FAM219A: variants seen among roughly 807,000 people sequenced by gnomAD.
The protein encoded by FAM219A is protein FAM219A.
FAM219A carries 7 observed loss-of-function variants against 23.4 expected under a neutral mutation model. The observed-to-expected ratio is 0.30, with a 90% confidence interval of 0.17 to 0.56. The LOEUF (loss-of-function observed/expected upper bound fraction) is 0.56, where lower values mean the gene tolerates loss of function less well. Among genes scored for constraint, FAM219A ranks in the 20% least tolerant of loss-of-function variants. The pLI, the probability that FAM219A is intolerant of heterozygous loss-of-function variation, is 0.92. For synonymous variants in FAM219A, 93 were observed against 99.0 expected (o/e 0.94, Z 0.36); for missense variants, 166 against 246.9 (o/e 0.67, Z 2.20).
chr9:34,408,920 C>T (rs1336959232), intron 1 of FAM219A, among the ~76,000 whole-genome samples: 1 of 152,226 alleles, frequency 6.6e-6, no homozygotes. Context: ...AAAGTTTCTT[C>T]TCTCAGTCTG....
Position 34,400,976 on chromosome 9 carries a change from G to A in FAM219A, c.546C>T (p.Cys182=). Residue 182 remains cysteine (C), a synonymous_variant, in exon 6 of 6, where the codon TGC becomes TGT. Transcript: ENST00000651358. ...MCCQATSSTA[C]HIQ Reference sequence around the variant, plus strand: ...GTGGCCCCGCCCGCTACTGAATGTGGCAGGCGGTGGAGGACGTGGCCTGGC... The same window carrying A: ...GTGGCCCCGCCCGCTACTGAATGTGACAGGCGGTGGAGGACGTGGCCTGGC... The A allele has an allele frequency of 1.3e-6, 2 of 1,547,564 alleles. No individual in the cohort carries two copies. Among genetic ancestry groups the A allele is most frequent in the East Asian group, 4.8e-5 (2 of 41,384 alleles).
intron 1 of FAM219A, among the ~76,000 whole-genome samples, chr9:34,437,159 A>C (rs1426263000): frequency 6.6e-6 from 1 of 152,208 alleles, no homozygotes; most frequent in Non-Finnish European, 1.5e-5. Flanking sequence ...TCATGAGGAA[A>C]TTGCAAGAAG....
intron 1 of FAM219A, among the ~76,000 whole-genome samples, chr9:34,436,822 C>T (rs934054904): frequency 1.3e-5 from 2 of 152,146 alleles, no homozygotes; most frequent in Non-Finnish European, 2.9e-5. Flanking sequence ...TGTCCCTTTC[C>T]TTTCATGGGT....
At chr9:34,412,802 A>T (rs1312058822) in intron 1 of FAM219A, among the ~76,000 whole-genome samples, 1 of 152,204 alleles carries the variant, frequency 6.6e-6, no homozygotes, top group Non-Finnish European at 1.5e-5. Context: ...GAAATAAGAA[A>T]GTCATAGGTA....
At chr9:34,455,450 T>C (rs1823695426) in intron 1 of FAM219A, among the ~76,000 whole-genome samples, 2 of 151,514 alleles carry the variant, frequency 1.3e-5, no homozygotes. Context: ...TTTACCTCTA[T>C]GATATGCTAT....
At chr9:34,441,081 G>A (rs1823153698) in intron 1 of FAM219A, among the ~76,000 whole-genome samples, 1 of 152,122 alleles carries the variant, frequency 6.6e-6, no homozygotes, top group South Asian at 2.1e-4. Context: ...GGACCTAAGA[G>A]TTCTAGAATT....
chr9:34,450,579 C>T (rs1288234892), intron 1 of FAM219A, among the ~76,000 whole-genome samples: 8 of 152,036 alleles, frequency 5.3e-5, no homozygotes, highest in African/African-American at 1.2e-4. Flanking sequence ...CCACCATGCC[C>T]GGCTAATTTT....
At chr9:34,427,051 C>T (rs1298654828) in intron 1 of FAM219A, among the ~76,000 whole-genome samples, 2 of 152,180 alleles carry the variant, frequency 1.3e-5, no homozygotes, top group Non-Finnish European at 2.9e-5. Flanking sequence ...CACTCTTCCC[C>T]AGGCTTACTA....
At chr9:34,403,103 G>A (rs1821513227) in intron 2 of FAM219A, among the ~76,000 whole-genome samples, 1 of 152,214 alleles carries the variant, frequency 6.6e-6, no homozygotes, top group Admixed American at 6.5e-5. Flanking sequence ...TGGCGGGGGA[G>A]AGACAATCAC....
chr9:34,409,780 G>T (rs930736776), intron 1 of FAM219A, among the ~76,000 whole-genome samples: 6 of 152,180 alleles, frequency 3.9e-5, no homozygotes, highest in African/African-American at 1.4e-4. Context: ...TAGGATGTGG[G>T]TCTGGTTTCC....
intron 1 of FAM219A, among the ~76,000 whole-genome samples, chr9:34,433,877 G>C (rs76349840): frequency 0.021 from 3,151 of 152,172 alleles, 92 homozygotes; most frequent in East Asian, 0.12. Context: ...ACTCTCCTCT[G>C]CCCTCCCCGT....
chr9:34,422,695 G>A (rs915229109), intron 1 of FAM219A, among the ~76,000 whole-genome samples: 2 of 152,182 alleles, frequency 1.3e-5, no homozygotes, highest in African/African-American at 2.4e-5. Context: ...AGAGAGACTG[G>A]CAGGAAGCAA....
intron 1 of FAM219A, among the ~76,000 whole-genome samples, chr9:34,454,047 T>C (rs1823650722): frequency 6.6e-6 from 1 of 152,206 alleles, no homozygotes; most frequent in Admixed American, 6.5e-5. Context: ...TTTGGGAGAA[T>C]CTGTGCTCAG....
At chr9:34,438,122 G>T (rs541085385) in intron 1 of FAM219A, among the ~76,000 whole-genome samples, 1 of 152,236 alleles carries the variant, frequency 6.6e-6, no homozygotes, top group Non-Finnish European at 1.5e-5. Context: ...GCCCACGGGC[G>T]CTGTGCTCGA....
chr9:34,452,822 C>T (rs1421725352), intron 1 of FAM219A, among the ~76,000 whole-genome samples: 1 of 152,134 alleles, frequency 6.6e-6, no homozygotes, highest in African/African-American at 2.4e-5. Context: ...TGAAGCCTTC[C>T]CTGACCACTC....
intron 1 of FAM219A, among the ~76,000 whole-genome samples, chr9:34,413,588 C>T (rs184169018): frequency 6.6e-6 from 1 of 152,298 alleles, no homozygotes; most frequent in South Asian, 2.1e-4. Flanking sequence ...TTTAGAGTGA[C>T]GTATGAAGAA....
At chr9:34,420,828 A>G (rs1480780280) in intron 1 of FAM219A, among the ~76,000 whole-genome samples, 1 of 152,068 alleles carries the variant, frequency 6.6e-6, no homozygotes, top group South Asian at 2.1e-4. Context: ...AAGAAAAAAA[A>G]ACTTAGCCGG....
At chr9:34,448,612 C>T (rs140086619) in intron 1 of FAM219A, among the ~76,000 whole-genome samples, 1 of 152,208 alleles carries the variant, frequency 6.6e-6, no homozygotes, top group Admixed American at 6.5e-5. Flanking sequence ...AGAGGAAGTA[C>T]TGAAACATCC....
At chr9:34,428,543 T>C (rs1357759744) in intron 1 of FAM219A, among the ~76,000 whole-genome samples, 1 of 152,240 alleles carries the variant, frequency 6.6e-6, no homozygotes, top group African/African-American at 2.4e-5. Flanking sequence ...CAGCCAGCTG[T>C]GCCCTCCCCT....
Sources: allele counts gnomAD v4.1 joint callset (sites outside exome capture counted in the v4.1 genomes callset), GRCh38; gene constraint gnomAD v4.1.1; transcripts MANE v1.5; gene names NCBI Gene and HGNC (gene_info 2026-07-23, HGNC 2026-07-21).